Variants in RBM33 observed in about 807,000 individuals in gnomAD.
RBM33 encodes RNA-binding protein 33.
In RBM33, 28 loss-of-function variants were observed where a neutral mutation model predicts 132.6. The observed-to-expected ratio is 0.21, with a 90% confidence interval of 0.16 to 0.29. RBM33 has a LOEUF of 0.29. Among genes scored for constraint, RBM33 ranks in the 10% least tolerant of loss-of-function variants. RBM33 has a pLI of 1.00. For synonymous variants in RBM33, 634 were observed against 593.0 expected (o/e 1.07, Z -1.01); for missense variants, 1,291 against 1,518.5 (o/e 0.85, Z 2.49).
chr7:155,663,615 A>G (rs756867004), intron 1 of RBM33, among the ~76,000 whole-genome samples: 3 of 152,144 alleles, frequency 2.0e-5, no homozygotes, highest in Non-Finnish European at 4.4e-5. Flanking sequence ...GGGTATTACA[A>G]TTCAACATGA....
At chr7:155,736,274 G>C (rs983091994) in intron 9 of RBM33, among the ~76,000 whole-genome samples, 1 of 152,184 alleles carries the variant, frequency 6.6e-6, no homozygotes, top group African/African-American at 2.4e-5. Flanking sequence ...TAAAATGATA[G>C]GCCAAGGCAT....
At chr7:155,720,367 T>C (rs1354574133) in intron 9 of RBM33, among the ~76,000 whole-genome samples, 1 of 152,206 alleles carries the variant, frequency 6.6e-6, no homozygotes, top group Non-Finnish European at 1.5e-5. Context: ...GAGAAAATCA[T>C]GAAATGTGTA....
intron 12 of RBM33, among the ~76,000 whole-genome samples, chr7:155,741,233 TC>T (rs896407851): frequency 6.8e-6 from 1 of 147,078 alleles, no homozygotes; most frequent in African/African-American, 2.5e-5. Flanking sequence ...CCTCCCCCCT[TC>T]CAGCTCTCTC....
chr7:155,735,694 TC>T (rs1801097262), intron 9 of RBM33, among the ~76,000 whole-genome samples: 2 of 152 alleles, frequency 0.013, no homozygotes, highest in Non-Finnish European at 0.05. Flanking sequence ...AGACCCTGTC[TC>T]TCTCTCTCTC....
At chr7:155,648,052 G>C (rs545185553) in intron 1 of RBM33, among the ~76,000 whole-genome samples, 31 of 152,120 alleles carry the variant, frequency 2.0e-4, no homozygotes, top group Middle Eastern at 3.4e-3. Context: ...TTATAGGTGA[G>C]GTGAAAAAAT....
chr7:155,708,340 C>T (rs1800175687), intron 7 of RBM33, among the ~76,000 whole-genome samples: 1 of 152,136 alleles, frequency 6.6e-6, no homozygotes, highest in Non-Finnish European at 1.5e-5. Flanking sequence ...TCTTTTTTCC[C>T]TTCGTTGCTC....
intron 2 of RBM33, 48 bp downstream of exon 2, chr7:155,665,301 A>G: frequency 3.3e-6 from 5 of 1,535,246 alleles, no homozygotes; most frequent in Non-Finnish European, 4.5e-6. Context: ...GATCTCTCTC[A>G]TTCTGACACT....
At chr7:155,773,175 A>G (rs998416454) in intron 16 of RBM33, among the ~76,000 whole-genome samples, 4 of 152,164 alleles carry the variant, frequency 2.6e-5, no homozygotes, top group Non-Finnish European at 4.4e-5. Flanking sequence ...GACACAGCAA[A>G]TAGTTTCTGG....
intron 5 of RBM33, among the ~76,000 whole-genome samples, chr7:155,693,979 A>G (rs1249684387): frequency 6.6e-6 from 1 of 151,074 alleles, no homozygotes; most frequent in African/African-American, 2.4e-5. Flanking sequence ...TAGTTCCTGG[A>G]CTCCCTTTCC....
intron 5 of RBM33, among the ~76,000 whole-genome samples, chr7:155,698,486 A>G (rs905889126): frequency 1.3e-5 from 2 of 152,336 alleles, no homozygotes; most frequent in Non-Finnish European, 2.9e-5. Context: ...AGGCTGAAGA[A>G]TTAAGTCTAG....
intron 8 of RBM33, among the ~76,000 whole-genome samples, chr7:155,715,291 A>G (rs1182033051): frequency 1.3e-5 from 2 of 152,192 alleles, no homozygotes; most frequent in African/African-American, 4.8e-5. Context: ...AATTTGTTGG[A>G]ATAATTTTGC....
At chr7:155,746,492 C>T (rs1006806210) in intron 14 of RBM33, 2 of 152,188 alleles carry the variant, frequency 1.3e-5, no homozygotes, top group African/African-American at 4.8e-5. Flanking sequence ...CATATCAGGT[C>T]ATTTTCAGTC....
At chr7:155,671,942 T>A (rs1008606683) in intron 2 of RBM33, among the ~76,000 whole-genome samples, 3 of 152,172 alleles carry the variant, frequency 2.0e-5, no homozygotes, top group Non-Finnish European at 4.4e-5. Context: ...AGGGTTTCTG[T>A]TTTAGTTGTA....
rs11979117 is a variant in RBM33, at chr7:155,739,780, C to T, written c.1803C>T (p.Pro601=). 1.1e-5 allele frequency: 17 copies of T among 1,537,382 alleles called. No homozygotes were observed. The highest frequency in any genetic ancestry group is 1.7e-4 in the Middle Eastern group (1 of 5,866). Residue 601 remains proline, a synonymous_variant, in exon 12 of 18, where the codon CCC becomes CCT. Transcript: ENST00000401878. ...AGCCTCAGCAACCTCAGCAACAGCC[C>T]CCGCCACAGCACCAGCCTCCGCACC... ...QPQPQQPQQQ[P]PPQHQPPHQP...
intron 3 of RBM33, among the ~76,000 whole-genome samples, chr7:155,673,563 CACAT>C (rs1563137486): frequency 2.3e-5 from 2 of 87,430 alleles, no homozygotes; most frequent in Non-Finnish European, 4.5e-5. Flanking sequence ...TATATATACA[CACAT>C]ATACATACAC....
At chr7:155,756,062 T>G (rs1801840642) in intron 14 of RBM33, among the ~76,000 whole-genome samples, 1 of 152,220 alleles carries the variant, frequency 6.6e-6, no homozygotes, top group Admixed American at 6.5e-5. Context: ...GAACCTAGTG[T>G]TGTTTGAAGA....
intron 5 of RBM33, among the ~76,000 whole-genome samples, chr7:155,692,824 C>A (rs1164112042): frequency 2.0e-5 from 3 of 152,134 alleles, no homozygotes; most frequent in Non-Finnish European, 4.4e-5. Context: ...ACAAATTTAT[C>A]CAAAAGAATT....
In RBM33 at chr7:155,680,817, A is replaced by G; in HGVS notation, c.476A>G (p.Gln159Arg). ...CACGAAGCTGAGTTGACAGAAGACC[A>G]AATAGAATATGTGGAAGAGCCAGAG... ...EGHEAELTED[Q>R]IEYVEEPEEE... Residue 159 changes from glutamine (Q) to arginine (R), a missense_variant, in exon 5 of 18, where the codon CAA becomes CGA. Coordinates refer to ENST00000401878, the MANE Select transcript of RBM33 (RefSeq NM_053043.3). The G allele has an allele frequency of 6.2e-7, 1 of 1,613,916 alleles. No homozygotes were observed.
chr7:155,678,518 A>G, intron 3 of RBM33, 90 bp from the exon 4 acceptor site: 1 of 806,822 alleles, frequency 1.2e-6, no homozygotes, highest in Non-Finnish European at 2.0e-6. Context: ...ATATAAGGCT[A>G]GGAACAATTC....
Sources: gnomAD v4.1 joint callset for allele counts (sites outside exome capture counted in the v4.1 genomes callset) on GRCh38, gnomAD v4.1.1 for gene constraint, MANE v1.5 for transcripts, NCBI Gene and HGNC (gene_info 2026-07-23, HGNC 2026-07-21) for gene names.